Variants in RBFOX1 observed in about 807,000 individuals in gnomAD.
RBFOX1 encodes the protein RNA binding protein fox-1 homolog 1.
A neutral mutation model predicts 57.7 loss-of-function variants in RBFOX1; 8 were observed. The ratio of observed to expected loss-of-function variants is 0.14; its 90% CI spans 0.08 to 0.25. The LOEUF (loss-of-function observed/expected upper bound fraction) is 0.25. RBFOX1 is among the 10% of genes least tolerant of loss of function. RBFOX1 has a pLI of 1.00. For synonymous variants in RBFOX1, 326 were observed against 222.4 expected, an observed-to-expected ratio of 1.47 and a Z score of -4.15; for missense variants, 611 against 548.5, an observed-to-expected ratio of 1.11 and a Z score of -1.14.
intron 2 of RBFOX1, among the ~76,000 whole-genome samples, chr16:6,357,753 A>C (rs182533842): frequency 8.7e-4 from 132 of 152,154 alleles, no homozygotes; most frequent in African/African-American, 3.1e-3. Flanking sequence ...GTTCAAGACC[A>C]GCCTGGCGAA....
chr16:6,941,252 CCTCCCTCCCATTTCCTCT>C (rs1302625217), intron 3 of RBFOX1, among the ~76,000 whole-genome samples: 3 of 133,822 alleles, frequency 2.2e-5, no homozygotes, highest in Non-Finnish European at 4.8e-5. Flanking sequence ...CCTCCCATTC[CCTCCCTCCCATTTCCTCT>C]CTCCCTCCCT....
chr16:6,921,677 A>G (rs1025084440), intron 3 of RBFOX1, among the ~76,000 whole-genome samples: 9 of 151,352 alleles, frequency 5.9e-5, no homozygotes, highest in African/African-American at 1.2e-4. Context: ...CTTTCAATCA[A>G]TAGACAGTAT....
chr16:5,384,035 A>C (rs1409528504), intron 1 of RBFOX1, among the ~76,000 whole-genome samples: 1 of 152,212 alleles, frequency 6.6e-6, no homozygotes, highest in Non-Finnish European at 1.5e-5. Context: ...TCAGGCGCTC[A>C]GCTTCCCAGC....
intron 3 of RBFOX1, among the ~76,000 whole-genome samples, chr16:5,768,703 C>T (rs2053873718): frequency 6.6e-6 from 1 of 152,124 alleles, no homozygotes; most frequent in Non-Finnish European, 1.5e-5. Context: ...ATTCTGAGCC[C>T]AGCCCACGTA....
intron 3 of RBFOX1, among the ~76,000 whole-genome samples, chr16:6,779,388 G>A (rs2079950645): frequency 6.6e-6 from 1 of 151,868 alleles, no homozygotes; most frequent in Admixed American, 6.6e-5. Context: ...TTGTATGTAT[G>A]TACCACATTT....
chr16:7,316,900 G>A lies in RBFOX1; in HGVS notation c.28-201247G>A, dbSNP rs575314664. 4.6e-5 allele frequency among the ~76,000 whole-genome samples: 7 copies of A among 151,526 alleles called. No homozygotes were observed. In the South Asian group the frequency reaches 6.3e-4, roughly 14 times the overall value. On this transcript the variant is annotated intron_variant, in intron 4 of 15. Transcript: ENST00000550418. ...AAAGAGACACATAAGGGCCAGAGACGACTGGAGTTTGGAAATCTTGACCTA... is the reference window on the plus strand; with the variant it reads ...AAAGAGACACATAAGGGCCAGAGACAACTGGAGTTTGGAAATCTTGACCTA...
intron 1 of RBFOX1, among the ~76,000 whole-genome samples, chr16:5,262,189 A>G (rs1339683331): frequency 1.3e-5 from 2 of 152,218 alleles, no homozygotes; most frequent in Non-Finnish European, 2.9e-5. Context: ...GGATTTGGAC[A>G]TGCAGTAACG....
rs141892330 is a variant in RBFOX1 at position 5,297,727 on chromosome 16, G to T, written c.219+57622G>T. ...TTGAAGGAGTTTAGACTTGAGGCCA[G>T]TGTTTCTCAATTTAGGACAAATGTT... is the stretch of plus-strand genomic sequence containing the variant. On this transcript the variant is annotated intron_variant, in intron 1 of 2. Transcript: ENST00000585867. Among the ~76,000 whole-genome samples the T allele has an allele frequency of 2.6e-3, 395 of 152,310 alleles. 2 individuals are homozygous for T. Among genetic ancestry groups the T allele is most frequent in the African/African-American group, 8.8e-3 (366 of 41,568 alleles).
intron 3 of RBFOX1, among the ~76,000 whole-genome samples, chr16:6,929,618 C>G (rs1216086151): frequency 2.6e-5 from 4 of 152,104 alleles, no homozygotes; most frequent in South Asian, 2.1e-4. Context: ...AAAGTCCCAC[C>G]AAATTCAATT....
At chr16:5,395,295 A>C (rs555818828) in intron 1 of RBFOX1, among the ~76,000 whole-genome samples, 6 of 152,244 alleles carry the variant, frequency 3.9e-5, no homozygotes, top group African/African-American at 1.4e-4. Flanking sequence ...CAGGAAGTTC[A>C]GGCTCTTCGT....
chr16:7,330,137 A>T (rs189135402), intron 4 of RBFOX1, among the ~76,000 whole-genome samples: 1 of 152,130 alleles, frequency 6.6e-6, no homozygotes, highest in Non-Finnish European at 1.5e-5. Context: ...TCATCCCTCA[A>T]TATGGTGGGA....
chr16:6,495,366 C>T (rs1364434769), intron 2 of RBFOX1, among the ~76,000 whole-genome samples: 2 of 151,406 alleles, frequency 1.3e-5, no homozygotes, highest in African/African-American at 4.9e-5. Context: ...TGATCCACCG[C>T]CCCCCGCCCC....
chr16:6,171,812 T>TTTTATTTATTTATTTA lies in RBFOX1; in HGVS notation c.-126-145176_-126-145161dup, dbSNP rs370403385. 3.1e-3 allele frequency among the ~76,000 whole-genome samples: 474 copies of TTTTATTTATTTATTTA among 151,528 alleles called. 2 individuals are homozygous for TTTTATTTATTTATTTA. Among genetic ancestry groups the TTTTATTTATTTATTTA allele is most frequent in the African/African-American group, 0.011 (447 of 41,104 alleles). On this transcript the variant is annotated intron_variant, in intron 1 of 15. Transcript: ENST00000550418. ...CTTGGCTGTTTTTATCTTATTTTTA[T>TTTTATTTATTTATTTA]TTTATTTATTTATTTATTTATTCTT...
intron 4 of RBFOX1, among the ~76,000 whole-genome samples, chr16:7,249,391 G>A (rs1474001485): frequency 1.3e-5 from 2 of 152,042 alleles, no homozygotes; most frequent in Non-Finnish European, 2.9e-5. Context: ...CAGGAACCTG[G>A]GGACATCACT....
At chr16:6,966,905 ATC>A (rs2084359189) in intron 3 of RBFOX1, among the ~76,000 whole-genome samples, 1 of 147,912 alleles carries the variant, frequency 6.8e-6, no homozygotes, top group Non-Finnish European at 1.5e-5. Context: ...CCATCCATCC[ATC>A]CATCCATCCA....
intron 1 of RBFOX1, among the ~76,000 whole-genome samples, chr16:6,212,774 A>G (rs954832232): frequency 6.6e-6 from 1 of 152,166 alleles, no homozygotes; most frequent in Non-Finnish European, 1.5e-5. Context: ...CTGCGTTTTT[A>G]TAATTGAAGA....
chr16:5,390,581 G>C lies in RBFOX1; in HGVS notation c.220-76635G>C, dbSNP rs1017485892. On this transcript the variant is annotated intron_variant, in intron 1 of 2. Coordinates refer to the RBFOX1 transcript ENST00000585867. ...TGGGTTTGCAGGTGTGAGCCACCAC[G>C]CCTGGCCTCATATATTATTTTTAAA... 1.2e-4 allele frequency among the ~76,000 whole-genome samples: 19 copies of C among 152,196 alleles called. No individual in the cohort carries two copies. In the South Asian group the frequency reaches 3.5e-3, roughly 28 times the overall value.
chr16:6,866,308 C>T (rs2059900445), intron 3 of RBFOX1, among the ~76,000 whole-genome samples: 1 of 151,778 alleles, frequency 6.6e-6, no homozygotes, highest in Non-Finnish European at 1.5e-5. Flanking sequence ...CTTTAAGTTT[C>T]AAGCTATGAT....
intron 4 of RBFOX1, among the ~76,000 whole-genome samples, chr16:7,489,994 A>G (rs1263548983): frequency 6.6e-6 from 1 of 152,076 alleles, no homozygotes; most frequent in African/African-American, 2.4e-5. Context: ...TCTCTCCAAA[A>G]TGCTCCTTTT....
Sources: allele counts gnomAD v4.1 joint callset (sites outside exome capture counted in the v4.1 genomes callset), GRCh38; gene constraint gnomAD v4.1.1; transcripts MANE v1.5; gene names NCBI Gene and HGNC (gene_info 2026-07-23, HGNC 2026-07-21).